Variants in CENPE observed in about 807,000 individuals in gnomAD.
CENPE encodes centromere-associated protein E.
CENPE carries 145 observed loss-of-function variants against 336.1 expected under a neutral mutation model. That is an observed-to-expected ratio of 0.43 (90% CI 0.38 to 0.50). CENPE has a LOEUF of 0.50. CENPE is among the 20% of genes least tolerant of loss of function. The probability of loss-of-function intolerance (pLI) is 0.00; values close to 1 mark genes in which losing one functional copy is unlikely to be tolerated. For missense variants in CENPE, 2,719 were observed against 3,023.3 expected, an observed-to-expected ratio of 0.90 and a Z score of 2.36; for synonymous variants, 1,013 against 984.8, an observed-to-expected ratio of 1.03 and a Z score of -0.54.
intron 45 of CENPE, among the ~76,000 whole-genome samples, chr4:103,115,653 T>C (rs1750028839): frequency 6.6e-6 from 1 of 152,076 alleles, no homozygotes; most frequent in Non-Finnish European, 1.5e-5. Flanking sequence ...AAATAAACCT[T>C]TCCTTATTGA....
intron 40 of CENPE, among the ~76,000 whole-genome samples, chr4:103,135,731 A>T (rs1314036654): frequency 6.6e-6 from 1 of 150,736 alleles, no homozygotes; most frequent in African/African-American, 2.4e-5. Flanking sequence ...CACTTAAAAC[A>T]ATAGTCTAAT....
chr4:103,112,779 A>T (rs1424927904), intron 46 of CENPE, among the ~76,000 whole-genome samples: 5 of 81,082 alleles, frequency 6.2e-5, no homozygotes, highest in Non-Finnish European at 1.1e-4. Flanking sequence ...TAAGTATATA[A>T]GTGTATATAT....
chr4:103,148,079 G>A (rs1180102304), intron 28 of CENPE, among the ~76,000 whole-genome samples: 1 of 152,116 alleles, frequency 6.6e-6, no homozygotes, highest in Non-Finnish European at 1.5e-5. Context: ...GGCCTACCTT[G>A]GATCACAAAC....
At chr4:103,163,595 T>C (rs1578640415) in intron 16 of CENPE, 42 bp from the exon 17 acceptor site, 1 of 635,304 alleles carries the variant, frequency 1.6e-6, no homozygotes, top group Non-Finnish European at 2.2e-6. Flanking sequence ...AACCAATAGT[T>C]AATAAAGCAA....
chr4:103,162,641 C>T lies in CENPE; in HGVS notation c.1842+496G>A, dbSNP rs538004237. Among the ~76,000 whole-genome samples the T allele has an allele frequency of 3.3e-4, 50 of 150,618 alleles. No homozygotes were observed. In the South Asian group the frequency reaches 9.4e-3, roughly 28 times the overall value. ...AGGCTGGAGTGCAATGGCATGATCT[C>T]GGCTCATGGCAGCCTCAACCTCCCA... On this transcript the variant is annotated intron_variant, in intron 18 of 48. Coordinates refer to ENST00000265148, the MANE Select transcript of CENPE (RefSeq NM_001813.3).
chr4:103,142,023 T>A, intron 34 of CENPE, 115 bp from the exon 35 acceptor site: 1 of 687,986 alleles, frequency 1.5e-6, no homozygotes, highest in Non-Finnish European at 2.3e-6. Context: ...ATATCTTTGC[T>A]GTTGTTTTTA....
intron 42 of CENPE, 29 bp from the exon 43 acceptor site, chr4:103,123,118 T>A: frequency 6.5e-7 from 1 of 1,539,544 alleles, no homozygotes. Flanking sequence ...CCATTATAGC[T>A]CTAAAACGAT....
At chr4:103,162,991 A>T (rs1754581526) in intron 18 of CENPE, 146 bp downstream of exon 18, 2 of 530,004 alleles carry the variant, frequency 3.8e-6, no homozygotes, top group Non-Finnish European at 6.1e-6. Context: ...CCTATCTCAT[A>T]GGGTTATTGA....
Position 103,133,794 on chromosome 4 carries a change from T to C in CENPE, c.6621A>G (p.Glu2207=), listed in dbSNP as rs748139732. The C allele has an allele frequency of 1.9e-6, 3 of 1,606,164 alleles. No homozygotes were observed. Among genetic ancestry groups the C allele is most frequent in the Non-Finnish European group, 2.6e-6 (3 of 1,173,450 alleles). The change falls in exon 41 of 49, where the codon GAA becomes GAG. Residue 2207 remains glutamate (E), a synonymous_variant. Coordinates refer to ENST00000265148, the MANE Select transcript of CENPE (RefSeq NM_001813.3). ...DFIDEVEKQK[E]LLIKIQHLQQ... ...GAAGGTGCTGTATTTTAATTAGCAA[T>C]TCCTTTTGCTTTTCCACTTCATCAA...
At chr4:103,128,486 T>C (rs1476027364) in intron 42 of CENPE, among the ~76,000 whole-genome samples, 1 of 152,176 alleles carries the variant, frequency 6.6e-6, no homozygotes, top group Non-Finnish European at 1.5e-5. Context: ...CAAACTCACA[T>C]TGAATATTTG....
chr4:103,109,423 A>G (rs75266615), intron 47 of CENPE, among the ~76,000 whole-genome samples: 2,713 of 152,282 alleles, frequency 0.018, 69 homozygotes, highest in African/African-American at 0.059. Flanking sequence ...CTTTGCCACA[A>G]TAATTTGACA....
chr4:103,161,363 C>G lies in CENPE; in HGVS notation c.1937G>C (p.Ser646Thr). 1 of 1,611,756 alleles carries G rather than the reference C, an allele frequency of 6.2e-7. No individual in the cohort carries two copies. Among genetic ancestry groups the G allele is most frequent in the Non-Finnish European group, 8.5e-7 (1 of 1,179,024 alleles). ...DAKRESAFLR[S>T]ENLELKEKMK... ...TTTCTCCTTCAGCTCCAGATTTTCA[C>G]TTCTAAGAAAGGCTGATTCTCTCTT... Residue 646 changes from serine (S) to threonine (T), a missense_variant, in exon 19 of 49, where the codon AGT becomes ACT. This residue lies in a region of CENPE where 2,437 missense variants were observed against 2,513.3 expected (regional missense o/e 0.97). Coordinates refer to ENST00000265148, the MANE Select transcript of CENPE (RefSeq NM_001813.3).
intron 24 of CENPE, among the ~76,000 whole-genome samples, chr4:103,155,877 T>C (rs551627670): frequency 6.6e-6 from 1 of 152,358 alleles, no homozygotes; most frequent in East Asian, 1.9e-4. Context: ...GAAATGTGTA[T>C]TTGCTTTTAT....
At chr4:103,164,131 C>T (rs745567919) in intron 16 of CENPE, among the ~76,000 whole-genome samples, 3 of 152,008 alleles carry the variant, frequency 2.0e-5, no homozygotes, top group Non-Finnish European at 4.4e-5. Flanking sequence ...CAACTATGAC[C>T]TTGATTTATT....
intron 16 of CENPE, among the ~76,000 whole-genome samples, chr4:103,168,942 T>A (rs1755156635): frequency 6.6e-6 from 1 of 152,190 alleles, no homozygotes; most frequent in African/African-American, 2.4e-5. Context: ...CAGGGAAACA[T>A]GATGTCACCA....
rs760628483 is a variant in CENPE at position 103,196,041 on chromosome 4, G to A, written c.239-3C>T. 92 of 1,606,430 alleles carry A rather than the reference G, an allele frequency of 5.7e-5. No homozygotes were observed. Among genetic ancestry groups the A allele is most frequent in the Non-Finnish European group, 7.6e-5 (89 of 1,173,200 alleles). On this transcript the variant is annotated splice_polypyrimidine_tract_variant and splice_region_variant and intron_variant, in intron 3 of 48. Transcript: ENST00000265148. ...CTGTCCATAGGCAAATATAGTACCT[G>A]CAAAAAACAAAACACACATACGCAA...
chr4:103,130,057 A>G (rs1329703415), intron 42 of CENPE, among the ~76,000 whole-genome samples: 3 of 152,242 alleles, frequency 2.0e-5, no homozygotes, highest in Admixed American at 6.5e-5. Context: ...AGCTAACATC[A>G]TAGTTAATCA....
intron 33 of CENPE, 93 bp downstream of exon 33, chr4:103,144,238 G>A (rs1432084900): frequency 8.5e-7 from 1 of 1,175,960 alleles, no homozygotes; most frequent in Non-Finnish European, 1.2e-6. Flanking sequence ...GCCCGGCCTG[G>A]ACCAATTTTA....
At chr4:103,161,789 C>T (rs1654729774) in intron 18 of CENPE, among the ~76,000 whole-genome samples, 2 of 151,872 alleles carry the variant, frequency 1.3e-5, no homozygotes, top group Admixed American at 6.6e-5. Context: ...TTCTCTTCAG[C>T]ACATGATAGG....
Sources: allele counts gnomAD v4.1 joint callset (sites outside exome capture counted in the v4.1 genomes callset), GRCh38; gene constraint gnomAD v4.1.1; regional missense constraint gnomAD v4.1.1; transcripts MANE v1.5; gene names NCBI Gene and HGNC (gene_info 2026-07-23, HGNC 2026-07-21).